The following ARHGAP10 variants were observed in gnomAD, a reference collection of about 807,000 sequenced individuals.
The protein encoded by ARHGAP10 is Rho GTPase activating protein 10.
In ARHGAP10, 87 loss-of-function variants were observed where a neutral mutation model predicts 108.6. The observed-to-expected ratio is 0.80, with a 90% confidence interval of 0.67 to 0.96. The LOEUF is 0.96. ARHGAP10 is among the 40% of genes least tolerant of loss of function. The probability of loss-of-function intolerance (pLI) is 0.00; values close to 1 mark genes in which losing one functional copy is unlikely to be tolerated. For synonymous variants in ARHGAP10, 347 were observed against 341.1 expected (o/e 1.02, Z -0.19); for missense variants, 939 against 954.5 (o/e 0.98, Z 0.21).
Position 147,974,825 on chromosome 4 carries a change from A to C in ARHGAP10, c.1716+7986A>C, listed in dbSNP as rs144866398. 7.3e-3 allele frequency among the ~76,000 whole-genome samples: 1,106 copies of C among 152,318 alleles called. 20 individuals carry two copies. The highest frequency in any genetic ancestry group is 0.026 in the African/African-American group (1,066 of 41,564). ...GGGGAGGCCTCACAATCATGGCGGA[A>C]GGGGAAAGGCATATCTTACATGGCA... On this transcript the variant is annotated intron_variant, in intron 18 of 22. Transcript: ENST00000336498.
intron 16 of ARHGAP10, 36 bp downstream of exon 16, chr4:147,955,410 G>C (rs1399748516): frequency 6.4e-7 from 1 of 1,563,478 alleles, no homozygotes; most frequent in Non-Finnish European, 8.7e-7. Flanking sequence ...GAACAGTTTT[G>C]TAGTTGGTAG....
intron 16 of ARHGAP10, among the ~76,000 whole-genome samples, chr4:147,961,817 C>T (rs1739010322): frequency 1.3e-5 from 2 of 152,150 alleles, no homozygotes; most frequent in African/African-American, 4.8e-5. Context: ...TGGCTGTGCC[C>T]AGCCTTTGCA....
chr4:148,047,708 C>A (rs974469011), intron 20 of ARHGAP10, among the ~76,000 whole-genome samples: 1 of 152,166 alleles, frequency 6.6e-6, no homozygotes, highest in Non-Finnish European at 1.5e-5. Flanking sequence ...AAGGGCATCA[C>A]GTTTCAAACA....
At chr4:148,050,814 C>G (rs1170131890) in intron 20 of ARHGAP10, among the ~76,000 whole-genome samples, 1 of 152,164 alleles carries the variant, frequency 6.6e-6, no homozygotes, top group Non-Finnish European at 1.5e-5. Context: ...GTCTTTTCCC[C>G]CTTTATCTCT....
At chr4:147,760,124 G>A (rs1729534951) in intron 1 of ARHGAP10, among the ~76,000 whole-genome samples, 1 of 152,056 alleles carries the variant, frequency 6.6e-6, no homozygotes, top group Non-Finnish European at 1.5e-5. Flanking sequence ...TAGCCCCATG[G>A]TCTTGCATCT....
intron 20 of ARHGAP10, among the ~76,000 whole-genome samples, chr4:148,060,643 T>A (rs13110548): frequency 0.49 from 74,630 of 151,692 alleles, 21,386 homozygotes; most frequent in East Asian, 0.83. Context: ...CCATAGACAC[T>A]GTCTCCAGCC....
chr4:147,794,548 G>T (rs1251013244), intron 1 of ARHGAP10, among the ~76,000 whole-genome samples: 2 of 152,084 alleles, frequency 1.3e-5, no homozygotes, highest in Non-Finnish European at 2.9e-5. Flanking sequence ...CAAGTGTCAG[G>T]GCTTCAAAGC....
At chr4:148,000,682 G>C (rs555882131) in intron 18 of ARHGAP10, among the ~76,000 whole-genome samples, 13 of 152,302 alleles carry the variant, frequency 8.5e-5, no homozygotes, top group Admixed American at 2.0e-4. Flanking sequence ...GACCAGTGAT[G>C]ATGAGCATTT....
rs1370482247 is a variant in ARHGAP10, at chr4:147,949,583, C to A, written c.1391+2879C>A. 7.5e-5 allele frequency among the ~76,000 whole-genome samples: 7 copies of A among 93,076 alleles called. No individual in the cohort carries two copies. The East Asian group carries it at 2.6e-3, about 34-fold the overall frequency. The allele number at this position is 93,076 out of a possible 152,430, so 61.1% of individuals were successfully genotyped here. A position where few individuals can be genotyped will look rare whatever the true frequency, so the allele number is the denominator to read the frequency against. On this transcript the variant is annotated intron_variant, in intron 15 of 22. Transcript: ENST00000336498. Reference sequence around the variant, plus strand: ...CCCCCCCACAAATAATTATTTGATTCAAAATGTCAATAATTCTGAGATTTA... The same window carrying A: ...CCCCCCCACAAATAATTATTTGATTAAAAATGTCAATAATTCTGAGATTTA...
chr4:148,023,243 C>T lies in ARHGAP10; in HGVS notation c.1717-20C>T. On this transcript the variant is annotated intron_variant, in intron 18 of 22. Coordinates refer to ENST00000336498, the MANE Select transcript of ARHGAP10 (RefSeq NM_024605.4). ...TCTGTTCATGGTAAATAATTCCTGTCCTTTATGCTTTGTTGGAAGATTTTT... is the reference window on the plus strand; with the variant it reads ...TCTGTTCATGGTAAATAATTCCTGTTCTTTATGCTTTGTTGGAAGATTTTT... 1 of 1,613,514 alleles carries T rather than the reference C, an allele frequency of 6.2e-7. No homozygotes were observed. The highest frequency in any genetic ancestry group is 8.5e-7 in the Non-Finnish European group (1 of 1,179,642).
At chr4:147,885,190 G>A (rs564394797) in intron 10 of ARHGAP10, among the ~76,000 whole-genome samples, 76 of 152,264 alleles carry the variant, frequency 5.0e-4, no homozygotes, top group Non-Finnish European at 9.8e-4. Flanking sequence ...TTGGGTCATT[G>A]TATTAGTTCA....
intron 7 of ARHGAP10, among the ~76,000 whole-genome samples, chr4:147,869,973 A>C (rs989145032): frequency 6.6e-6 from 1 of 150,740 alleles, no homozygotes; most frequent in African/African-American, 2.5e-5. Flanking sequence ...ATATAAAACA[A>C]CATATTGTTG....
At position 148,017,680 on chromosome 4, in the gene ARHGAP10, A is replaced by ATATATATATATGAG. The variant is rs11281620; in HGVS notation, c.1717-5580_1717-5579insATATATATGAGTAT. On this transcript the variant is annotated intron_variant, in intron 18 of 22. Transcript: ENST00000336498. ...TATATATATATATATATATATATAT[A>ATATATATATATGAG]TATGTGTGTGTATGTAAAGGAATTC... Among the ~76,000 whole-genome samples the ATATATATATATGAG allele has an allele frequency of 2.1e-3, 294 of 141,392 alleles. 5 individuals are homozygous for ATATATATATATGAG. Among genetic ancestry groups the ATATATATATATGAG allele is most frequent in the African/African-American group, 5.9e-3 (216 of 36,530 alleles). The allele number at this position is 141,392 out of a possible 152,430, so 92.8% of individuals were successfully genotyped here.
At chr4:147,783,616 T>C in intron 1 of ARHGAP10, among the ~76,000 whole-genome samples, 1 of 147,208 alleles carries the variant, frequency 6.8e-6, no homozygotes, top group South Asian at 2.3e-4. Context: ...TTGTATAATT[T>C]ATAGAACACA....
At chr4:148,027,801 C>T (rs1727942466) in intron 19 of ARHGAP10, among the ~76,000 whole-genome samples, 1 of 152,110 alleles carries the variant, frequency 6.6e-6, no homozygotes, top group Admixed American at 6.6e-5. Flanking sequence ...GAGGCATGAG[C>T]AAGAGAACAG....
At chr4:147,741,177 A>G (rs897588851) in intron 1 of ARHGAP10, among the ~76,000 whole-genome samples, 1 of 152,174 alleles carries the variant, frequency 6.6e-6, no homozygotes, top group South Asian at 2.1e-4. Flanking sequence ...CATTTTTTGG[A>G]TGATAAAACT....
intron 1 of ARHGAP10, among the ~76,000 whole-genome samples, chr4:147,799,211 T>G (rs181418747): frequency 1.3e-4 from 20 of 152,076 alleles, no homozygotes; most frequent in African/African-American, 4.8e-4. Flanking sequence ...ATTTTTGTAT[T>G]TTTAGTAGAG....
chr4:147,807,621 AG>A (rs1409228028), intron 1 of ARHGAP10, among the ~76,000 whole-genome samples: 4 of 152,240 alleles, frequency 2.6e-5, no homozygotes, highest in African/African-American at 9.6e-5. Context: ...ATCCAAAAAA[AG>A]GCCATAAAGA....
chr4:147,847,351 G>A, intron 4 of ARHGAP10, 129 bp downstream of exon 4: 4 of 866,418 alleles, frequency 4.6e-6, no homozygotes, highest in Non-Finnish European at 7.1e-6. Context: ...TTTGAAATGT[G>A]CTTTTCCCCC....
Sources: allele counts gnomAD v4.1 joint callset (sites outside exome capture counted in the v4.1 genomes callset), GRCh38; gene constraint gnomAD v4.1.1; transcripts MANE v1.5; gene names NCBI Gene and HGNC (gene_info 2026-07-23, HGNC 2026-07-21).